The following LRRFIP1 variants were observed in gnomAD, a reference collection of about 807,000 sequenced individuals.
LRRFIP1 encodes the protein LRR binding FLII interacting protein 1.
LRRFIP1 carries 62 observed loss-of-function variants against 104.4 expected under a neutral mutation model. The observed-to-expected ratio is 0.59, with a 90% CI of 0.48 to 0.73. The LOEUF (loss-of-function observed/expected upper bound fraction) is 0.73. Among genes scored for constraint, LRRFIP1 ranks in the 30% least tolerant of loss-of-function variants. The pLI is 0.00. For synonymous variants in LRRFIP1, 300 were observed against 299.0 expected (o/e 1.00, Z -0.03); for missense variants, 796 against 824.5 (o/e 0.97, Z 0.42).
At position 237,627,667 on chromosome 2, in the gene LRRFIP1, C is replaced by T; in HGVS notation, c.23C>T (p.Ser8Leu). 2.9e-6 allele frequency: 4 copies of T among 1,363,112 alleles called. No homozygotes were observed. Among genetic ancestry groups the T allele is most frequent in the Middle Eastern group, 2.5e-4 (1 of 4,064 alleles). 84.4% of individuals were successfully genotyped at this position (1,363,112 alleles called of 1,614,324 possible). The change falls in exon 1 of 24, where the codon TCG becomes TTG. Residue 8 changes from serine (S) to leucine (L), a missense_variant. Transcript: ENST00000308482. Reference protein sequence around the residue: MDMGTQGSGRKRLPNRER... With the variant: MDMGTQGLGRKRLPNRER... ...TCGATGGACATGGGCACCCAGGGAT[C>T]GGGGCGCAAGCGGCTCCCCAACCGG...
intron 1 of LRRFIP1, among the ~76,000 whole-genome samples, chr2:237,699,884 C>T (rs572412684): frequency 9.1e-4 from 138 of 152,320 alleles, no homozygotes; most frequent in Non-Finnish European, 1.7e-3. Context: ...TGCCTGGTAA[C>T]GATCGTTCTC....
chr2:237,681,345 CTA>C (rs755159576), intron 1 of LRRFIP1, among the ~76,000 whole-genome samples: 2 of 152,162 alleles, frequency 1.3e-5, no homozygotes, highest in African/African-American at 2.4e-5. Flanking sequence ...CTTTGCATGC[CTA>C]TGTCTTTTAC....
At position 237,682,587 on chromosome 2, in the gene LRRFIP1, T is replaced by C. The variant is rs142109505; in HGVS notation, c.97-25957T>C. ...AGAGGTGCCGAGAAGCAAAACCCAGTTCTTTGATCTTCTCACTTCAGCTGT... is the reference window on the plus strand; with the variant it reads ...AGAGGTGCCGAGAAGCAAAACCCAGCTCTTTGATCTTCTCACTTCAGCTGT... On this transcript the variant is annotated intron_variant, in intron 1 of 23. Transcript: ENST00000308482. Among the ~76,000 whole-genome samples, 375 of 152,294 alleles carry C rather than the reference T, an allele frequency of 2.5e-3. 1 individual carries two copies. The highest frequency in any genetic ancestry group is 8.6e-3 in the African/African-American group (358 of 41,566).
chr2:237,761,123 G>A (rs2059816804), intron 19 of LRRFIP1, among the ~76,000 whole-genome samples: 1 of 152,142 alleles, frequency 6.6e-6, no homozygotes, highest in African/African-American at 2.4e-5. Context: ...TTTATTTATG[G>A]AAATGTAGAC....
intron 3 of LRRFIP1, among the ~76,000 whole-genome samples, chr2:237,715,753 G>A (rs773942151): frequency 1.3e-5 from 2 of 152,240 alleles, no homozygotes; most frequent in African/African-American, 2.4e-5. Context: ...AAAGTAGCGC[G>A]GCTCCTGCTT....
intron 10 of LRRFIP1, among the ~76,000 whole-genome samples, chr2:237,738,104 C>T (rs1176000010): frequency 6.6e-6 from 1 of 152,130 alleles, no homozygotes; most frequent in Non-Finnish European, 1.5e-5. Flanking sequence ...AGATCATGAG[C>T]ACCCCTGAAG....
In LRRFIP1 at chr2:237,719,543, T is replaced by G; in HGVS notation, c.270T>G (p.Ser90=). 6.2e-7 allele frequency: 1 copy of G among 1,613,664 alleles called. No individual in the cohort carries two copies. The highest frequency in any genetic ancestry group is 8.5e-7 in the Non-Finnish European group (1 of 1,179,670). The change falls in exon 5 of 24, where the codon TCT becomes TCG. Residue 90 remains serine (S), a synonymous_variant. Transcript: ENST00000308482. ...GTTAGGAAGACAGTGAGCGCTACTC[T>G]CGTAGATCCAGAAGAAACACATCGG... ...EQWMEDSERY[S]RRSRRNTSAS...
intron 11 of LRRFIP1, among the ~76,000 whole-genome samples, chr2:237,747,697 T>C (rs1167131929): frequency 6.6e-6 from 1 of 152,154 alleles, no homozygotes; most frequent in African/African-American, 2.4e-5. Context: ...ACAATCAAAG[T>C]GAAGAAGTTC....
rs1020842859 is a variant in LRRFIP1 at position 237,632,181 on chromosome 2, G to A, written c.96+4441G>A. ...GAAGGGGTCACACTGCCCCCAAGGA[G>A]TCCAGTTGTGGAGAAGGGGTCACAC... On this transcript the variant is annotated intron_variant, in intron 1 of 23. Transcript: ENST00000308482. Among the ~76,000 whole-genome samples, 2 of 150,236 alleles carry A rather than the reference G, an allele frequency of 1.3e-5. 1 individual carries two copies. The highest frequency in any genetic ancestry group is 3.0e-5 in the Non-Finnish European group (2 of 67,116).
intron 10 of LRRFIP1, among the ~76,000 whole-genome samples, chr2:237,737,402 T>C (rs1230108591): frequency 2.0e-5 from 3 of 152,226 alleles, no homozygotes; most frequent in Admixed American, 6.5e-5. Context: ...TAAAGCTTTC[T>C]GACTTCTGCA....
chr2:237,748,074 T>C (rs1295326281), intron 11 of LRRFIP1, among the ~76,000 whole-genome samples: 1 of 152,152 alleles, frequency 6.6e-6, no homozygotes, highest in Non-Finnish European at 1.5e-5. Flanking sequence ...ATGTGCACCC[T>C]CTCTTGTAGT....
At chr2:237,754,148 C>CT (rs987176623) in intron 15 of LRRFIP1, among the ~76,000 whole-genome samples, 6 of 152,168 alleles carry the variant, frequency 3.9e-5, no homozygotes, top group Admixed American at 1.3e-4. Flanking sequence ...CAAGATTTTC[C>CT]TATTCATATG....
chr2:237,669,554 G>T (rs2090011687), intron 1 of LRRFIP1, among the ~76,000 whole-genome samples: 1 of 152,108 alleles, frequency 6.6e-6, no homozygotes, highest in African/African-American at 2.4e-5. Flanking sequence ...TTTAGATTAG[G>T]AACTGAATAT....
intron 23 of LRRFIP1, among the ~76,000 whole-genome samples, chr2:237,775,945 A>ATTTAT (rs1553718234): frequency 9.0e-4 from 137 of 151,822 alleles, no homozygotes; most frequent in African/African-American, 2.1e-3. Flanking sequence ...TTATTTATTT[A>ATTTAT]TTTATTTTAT....
rs1400744672 is a variant in LRRFIP1, at chr2:237,780,648, A to C, written c.*1116A>C. Among the ~76,000 whole-genome samples the C allele has an allele frequency of 6.6e-6, 1 of 152,168 alleles. No individual in the cohort carries two copies. The highest frequency in any genetic ancestry group is 2.4e-5 in the African/African-American group (1 of 41,438). On this transcript the variant is annotated 3_prime_UTR_variant, in exon 24 of 24. Coordinates refer to ENST00000308482, the MANE Select transcript of LRRFIP1 (RefSeq NM_001137550.2). ...CTTTTCGGGACGTTAGCAAGTGGAA[A>C]CTGAGTCAGTATCATCCAAAACCAT...
At chr2:237,648,297 G>A (rs574267953) in intron 1 of LRRFIP1, among the ~76,000 whole-genome samples, 22 of 151,894 alleles carry the variant, frequency 1.4e-4, no homozygotes, top group African/African-American at 4.8e-4. Context: ...ATGTTTTCCC[G>A]ACAACTGCTG....
In LRRFIP1 at chr2:237,714,115, C is replaced by T; in HGVS notation, c.184-144C>T. 5 of 547,956 alleles carry T rather than the reference C, an allele frequency of 9.1e-6. 1 individual carries two copies. In the South Asian group the frequency reaches 1.5e-4, roughly 16 times the overall value. The allele number at this position is 547,956 out of a possible 1,614,324, so 33.9% of individuals were successfully genotyped here. A position where few individuals can be genotyped will look rare whatever the true frequency, so the allele number is the denominator to read the frequency against. On this transcript the variant is annotated intron_variant, in intron 2 of 23. Transcript: ENST00000308482. ...AAATTACAAACTCTTGTCAGTGGGA[C>T]CTCACCTGTTTTCTTATTCACATTT... is the stretch of plus-strand genomic sequence containing the variant.
Position 237,627,612 on chromosome 2 carries a change from C to A in LRRFIP1, c.-33C>A. ...GGGGCGGCGCGAGCGGCTGGAGCAA[C>A]GGGCCCCGCGGCAGCTGCGGGCGAC... On this transcript the variant is annotated 5_prime_UTR_variant, in exon 1 of 24. Transcript: ENST00000308482. 1 of 1,223,198 alleles carries A rather than the reference C, an allele frequency of 8.2e-7. No individual in the cohort carries two copies. The highest frequency in any genetic ancestry group is 2.3e-5 in the South Asian group (1 of 44,118). 75.8% of individuals were successfully genotyped at this position (1,223,198 alleles called of 1,614,324 possible).
chr2:237,693,947 A>G (rs2092991742), intron 1 of LRRFIP1, among the ~76,000 whole-genome samples: 1 of 152,122 alleles, frequency 6.6e-6, no homozygotes, highest in African/African-American at 2.4e-5. Flanking sequence ...AGGAAGGGAG[A>G]GGAAAGTCTG....
Sources: gnomAD v4.1 joint callset for allele counts (sites outside exome capture counted in the v4.1 genomes callset) on GRCh38, gnomAD v4.1.1 for gene constraint, MANE v1.5 for transcripts, NCBI Gene and HGNC (gene_info 2026-07-23, HGNC 2026-07-21) for gene names.